The following HOOK3 variants were observed in gnomAD, a reference collection of about 807,000 sequenced individuals.
HOOK3 encodes protein Hook homolog 3.
In HOOK3, 24 loss-of-function variants were observed where a neutral mutation model predicts 116.3. The observed-to-expected ratio is 0.21, with a 90% CI of 0.15 to 0.29. The LOEUF is 0.29. HOOK3 is among the 10% of genes least tolerant of loss of function. The pLI, the probability that HOOK3 is intolerant of heterozygous loss-of-function variation, is 1.00. For missense variants in HOOK3, 632 were observed against 830.2 expected (o/e 0.76, Z 2.93); for synonymous variants, 275 against 283.0 (o/e 0.97, Z 0.28).
chr8:42,944,421 A>G (rs1238877575), intron 5 of HOOK3, among the ~76,000 whole-genome samples: 5 of 152,066 alleles, frequency 3.3e-5, no homozygotes, highest in South Asian at 2.1e-4. Flanking sequence ...GTCTCAAAAA[A>G]AGAGAAAAAT....
At chr8:42,969,814 A>T (rs992184639) in intron 11 of HOOK3, among the ~76,000 whole-genome samples, 22 of 152,132 alleles carry the variant, frequency 1.4e-4, no homozygotes, top group African/African-American at 5.3e-4. Flanking sequence ...AAAAAATTGA[A>T]TCATTTCTTT....
At chr8:42,964,940 G>A (rs78365952) in intron 9 of HOOK3, among the ~76,000 whole-genome samples, 2,495 of 152,266 alleles carry the variant, frequency 0.016, 32 homozygotes, top group Non-Finnish European at 0.022. Flanking sequence ...ACTACTTCAC[G>A]TCTAGGAAGT....
chr8:42,930,512 C>T (rs1268011651), intron 4 of HOOK3, among the ~76,000 whole-genome samples: 1 of 152,044 alleles, frequency 6.6e-6, no homozygotes, highest in African/African-American at 2.4e-5. Flanking sequence ...CCTTGGCAAA[C>T]CCCCCACCCC....
intron 10 of HOOK3, among the ~76,000 whole-genome samples, chr8:42,966,868 T>G (rs941579311): frequency 6.6e-6 from 1 of 152,222 alleles, no homozygotes; most frequent in African/African-American, 2.4e-5. Flanking sequence ...AATTAAGCGA[T>G]ACACAAGTGT....
intron 4 of HOOK3, among the ~76,000 whole-genome samples, chr8:42,931,853 C>T (rs1486324369): frequency 6.6e-6 from 1 of 152,084 alleles, no homozygotes; most frequent in African/African-American, 2.4e-5. Flanking sequence ...CTCCTGGGTT[C>T]ACGCCATTCT....
At chr8:42,897,231 G>A (rs1231577625) in intron 1 of HOOK3, 43 bp downstream of exon 1, 3 of 1,200,928 alleles carry the variant, frequency 2.5e-6, no homozygotes, top group Admixed American at 4.2e-5. Context: ...CCCTCCCCCC[G>A]CCACCTACCG....
intron 15 of HOOK3, chr8:42,994,380 A>G (rs73627274): frequency 0.031 from 11,624 of 378,746 alleles, 441 homozygotes; most frequent in African/African-American, 0.12. Flanking sequence ...TTTCTAGTTC[A>G]TTCAGTGGCA....
chr8:42,905,991 G>GC (rs1807298544), intron 1 of HOOK3, among the ~76,000 whole-genome samples, 182 bp from the exon 2 acceptor site: 1 of 151,528 alleles, frequency 6.6e-6, no homozygotes, highest in Admixed American at 6.6e-5. Flanking sequence ...GGAGGCTGAG[G>GC]CAGGAGAATC....
chr8:42,940,405 A>G (rs1285465335), intron 4 of HOOK3, among the ~76,000 whole-genome samples: 1 of 152,190 alleles, frequency 6.6e-6, no homozygotes, highest in Non-Finnish European at 1.5e-5. Flanking sequence ...TCAGGCAGGG[A>G]GGTTGCAGTG....
chr8:42,982,724 C>G, intron 14 of HOOK3, 28 bp downstream of exon 14: 2 of 1,405,340 alleles, frequency 1.4e-6, no homozygotes, highest in South Asian at 2.3e-5. Context: ...TTCACACTTA[C>G]ACTGCACAGT....
At chr8:42,975,006 G>A (rs1249478567) in intron 13 of HOOK3, among the ~76,000 whole-genome samples, 2 of 152,156 alleles carry the variant, frequency 1.3e-5, no homozygotes, top group African/African-American at 2.4e-5. Context: ...CCTCACTAGA[G>A]GATATGAACT....
At chr8:42,990,315 C>T (rs1247579379) in intron 15 of HOOK3, among the ~76,000 whole-genome samples, 63 of 86,328 alleles carry the variant, frequency 7.3e-4, no homozygotes, top group Admixed American at 4.4e-3. Flanking sequence ...AAATAAATAT[C>T]TGTTTAGATC....
chr8:43,005,400 T>G (rs2130478643), intron 17 of HOOK3, among the ~76,000 whole-genome samples: 1 of 151,746 alleles, frequency 6.6e-6, no homozygotes, highest in Non-Finnish European at 1.5e-5. Context: ...TTTTGTGTGT[T>G]TTTAGTAGAG....
intron 2 of HOOK3, among the ~76,000 whole-genome samples, chr8:42,906,550 G>C (rs376454290): frequency 6.6e-6 from 1 of 152,084 alleles, no homozygotes; most frequent in East Asian, 1.9e-4. Flanking sequence ...TGTTACAGGG[G>C]TATCTAAGAT....
At position 43,013,069 on chromosome 8, in the gene HOOK3, C is replaced by A; in HGVS notation, c.1858C>A (p.Pro620Thr). 6.2e-7 allele frequency: 1 copy of A among 1,610,736 alleles called. No individual in the cohort carries two copies. The highest frequency in any genetic ancestry group is 8.5e-7 in the Non-Finnish European group (1 of 1,178,490). Residue 620 changes from proline (P) to threonine (T), a missense_variant, in exon 20 of 22, where the codon CCT becomes ACT. Physicochemically the swap from Pro to Thr is conservative, Grantham distance 38. This residue lies in a region of HOOK3 where 483 missense variants were observed against 648.1 expected (regional missense o/e 0.75). Transcript: ENST00000307602. ...TTTGCAGGTCATCCGTACTTTAGAT[C>A]CTAAACAGAATCAAGGAGCAGCACC... The part of the protein sequence containing the change: ...KAKSVIRTLD[P>T]KQNQGAAPEI...
At chr8:42,922,263 C>A (rs1326963766) in intron 2 of HOOK3, among the ~76,000 whole-genome samples, 2 of 152,050 alleles carry the variant, frequency 1.3e-5, no homozygotes, top group Non-Finnish European at 1.5e-5. Flanking sequence ...AAACTTTGAC[C>A]TGGTATGGTG....
In HOOK3 at chr8:43,013,148, C is replaced by A; in HGVS notation, c.1937C>A (p.Ser646Ter). The A allele has an allele frequency of 1.3e-6, 2 of 1,598,398 alleles. No individual in the cohort carries two copies. The highest frequency in any genetic ancestry group is 1.7e-4 in the Middle Eastern group (1 of 6,012). Residue 646 changes from serine to a stop codon, truncating the protein, a stop_gained, in exon 20 of 22, where the codon TCA becomes TAA. Coordinates refer to ENST00000307602, the MANE Select transcript of HOOK3 (RefSeq NM_032410.4). LOFTEE classifies it high-confidence loss of function. The part of the protein sequence containing the change: ...QLQERDRLFH[S>*]LEKEYEKTKS... ...CAGGAACGAGACCGACTGTTCCACT[C>A]ATTAGAGGTAGTTTACTATACTGTA...
chr8:42,958,256 T>C (rs182479522), intron 7 of HOOK3, among the ~76,000 whole-genome samples: 145 of 152,336 alleles, frequency 9.5e-4, no homozygotes, highest in African/African-American at 3.3e-3. Flanking sequence ...ACTTCCTTCT[T>C]TCTAAATGTT....
At chr8:42,952,194 T>C (rs570511170) in intron 6 of HOOK3, among the ~76,000 whole-genome samples, 1 of 152,302 alleles carries the variant, frequency 6.6e-6, no homozygotes, top group East Asian at 1.9e-4. Flanking sequence ...CCACTATCCT[T>C]GTACATTGTG....
Sources: allele counts gnomAD v4.1 joint callset (sites outside exome capture counted in the v4.1 genomes callset), GRCh38; gene constraint gnomAD v4.1.1; regional missense constraint gnomAD v4.1.1; transcripts MANE v1.5; gene names NCBI Gene and HGNC (gene_info 2026-07-23, HGNC 2026-07-21).